ZNF385D: variants seen among roughly 807,000 people sequenced by gnomAD.
ZNF385D encodes zinc finger protein 659.
ZNF385D carries 15 observed loss-of-function variants against 35.8 expected under a neutral mutation model. The ratio of observed to expected loss-of-function variants is 0.42; its 90% confidence interval spans 0.28 to 0.64. The LOEUF (loss-of-function observed/expected upper bound fraction) is 0.64. ZNF385D is among the 30% of genes least tolerant of loss of function. The probability of loss-of-function intolerance (pLI) is 0.23; values close to 1 mark genes in which losing one functional copy is unlikely to be tolerated. For synonymous variants in ZNF385D, 212 were observed against 186.8 expected (o/e 1.13, Z -1.10); for missense variants, 474 against 494.6 (o/e 0.96, Z 0.39).
chr3:22,313,562 C>T (rs1703710480), intron 2 of ZNF385D, among the ~76,000 whole-genome samples: 2 of 151,546 alleles, frequency 1.3e-5, no homozygotes, highest in African/African-American at 2.4e-5. Context: ...AAAGATATTA[C>T]AAAACAGACA....
intron 3 of ZNF385D, among the ~76,000 whole-genome samples, chr3:21,971,534 C>T (rs746577752): frequency 3.3e-5 from 5 of 151,304 alleles, no homozygotes; most frequent in Non-Finnish European, 7.4e-5. Context: ...AAATCACCTT[C>T]ACTAAAAGGA....
intron 3 of ZNF385D, among the ~76,000 whole-genome samples, chr3:21,904,140 C>T (rs1699552317): frequency 6.6e-6 from 1 of 151,662 alleles, no homozygotes; most frequent in South Asian, 2.1e-4. Context: ...CCCATCTCTA[C>T]TAAAAACACA....
intron 2 of ZNF385D, among the ~76,000 whole-genome samples, chr3:22,310,120 T>C (rs947980186): frequency 2.6e-5 from 4 of 151,988 alleles, no homozygotes; most frequent in Admixed American, 6.6e-5. Flanking sequence ...TTTTACAATA[T>C]TGGATTGTGA....
chr3:22,318,907 A>G (rs1055660822), intron 2 of ZNF385D, among the ~76,000 whole-genome samples: 4 of 152,196 alleles, frequency 2.6e-5, no homozygotes, highest in African/African-American at 9.6e-5. Flanking sequence ...GTCATATAAG[A>G]AATATTCATA....
At chr3:22,029,133 C>T (rs909394883) in intron 3 of ZNF385D, among the ~76,000 whole-genome samples, 2 of 152,174 alleles carry the variant, frequency 1.3e-5, no homozygotes, top group African/African-American at 4.8e-5. Flanking sequence ...ACAACAATTC[C>T]ATTAAACTGG....
At chr3:21,800,279 A>C (rs2125682647) in intron 3 of ZNF385D, among the ~76,000 whole-genome samples, 1 of 152,306 alleles carries the variant, frequency 6.6e-6, no homozygotes, top group Admixed American at 6.5e-5. Context: ...TTACACAAAA[A>C]ATGTTTATTG....
At chr3:21,511,823 ATT>A (rs71976575) in intron 3 of ZNF385D, 233 of 403,750 alleles carry the variant, frequency 5.8e-4, no homozygotes, top group African/African-American at 1.5e-3. Flanking sequence ...TCCTAAGAGC[ATT>A]TTTTTTTTTT....
chr3:22,353,645 T>C (rs528710399), intron 2 of ZNF385D, among the ~76,000 whole-genome samples: 1 of 152,242 alleles, frequency 6.6e-6, no homozygotes, highest in African/African-American at 2.4e-5. Context: ...TGTCTCATGA[T>C]CACTCTTTTC....
chr3:21,511,042 T>G lies in ZNF385D; in HGVS notation c.277-19A>C, dbSNP rs540646653. 7.4e-6 allele frequency: 12 copies of G among 1,613,570 alleles called. No homozygotes were observed. In the South Asian group the frequency reaches 1.3e-4, roughly 18 times the overall value. ...CCTGGCTCTACAAAGGAGAACAAAATGAACCATGCAATCAGGCTCATTTCT... is the reference window on the plus strand; with the variant it reads ...CCTGGCTCTACAAAGGAGAACAAAAGGAACCATGCAATCAGGCTCATTTCT... On this transcript the variant is annotated intron_variant, in intron 3 of 7. Coordinates refer to ENST00000281523, the MANE Select transcript of ZNF385D (RefSeq NM_024697.3).
chr3:22,230,235 G>A (rs997442764), intron 2 of ZNF385D, among the ~76,000 whole-genome samples: 3 of 152,060 alleles, frequency 2.0e-5, no homozygotes, highest in African/African-American at 7.2e-5. Flanking sequence ...AAAACCAACA[G>A]AACTGACCTA....
At chr3:21,686,189 G>GA (rs2067098487) in intron 1 of ZNF385D, among the ~76,000 whole-genome samples, 1 of 152,058 alleles carries the variant, frequency 6.6e-6, no homozygotes, top group Non-Finnish European at 1.5e-5. Context: ...GATATTTTAG[G>GA]AAAGTGTACA....
At chr3:21,903,622 C>T (rs568024850) in intron 3 of ZNF385D, among the ~76,000 whole-genome samples, 1 of 152,272 alleles carries the variant, frequency 6.6e-6, no homozygotes, top group Admixed American at 6.5e-5. Context: ...ATTCATTGAA[C>T]TGTACATTTA....
intron 3 of ZNF385D, among the ~76,000 whole-genome samples, chr3:21,845,524 T>G (rs1695951314): frequency 6.6e-6 from 1 of 152,012 alleles, no homozygotes; most frequent in Non-Finnish European, 1.5e-5. Context: ...CTGTGTTATA[T>G]TTTAGAAAGA....
chr3:21,851,167 T>C (rs1696361388), intron 3 of ZNF385D, among the ~76,000 whole-genome samples: 1 of 151,628 alleles, frequency 6.6e-6, no homozygotes. Context: ...AAATAAAAAC[T>C]ATAGAAGTAA....
chr3:22,298,490 TA>T (rs1702725554), intron 2 of ZNF385D, among the ~76,000 whole-genome samples: 2 of 145,976 alleles, frequency 1.4e-5, no homozygotes, highest in African/African-American at 5.0e-5. Flanking sequence ...CATTTATATA[TA>T]ATATATAAAT....
intron 3 of ZNF385D, among the ~76,000 whole-genome samples, chr3:22,090,599 C>T (rs1701278595): frequency 6.6e-6 from 1 of 152,010 alleles, no homozygotes; most frequent in African/African-American, 2.4e-5. Context: ...AGTCACAGGA[C>T]CGATATTGCT....
chr3:21,720,795 G>A (rs1236760840), intron 1 of ZNF385D, among the ~76,000 whole-genome samples: 1 of 152,084 alleles, frequency 6.6e-6, no homozygotes, highest in Non-Finnish European at 1.5e-5. Context: ...GAGTCCTCTG[G>A]CATTTAATTT....
intron 1 of ZNF385D, among the ~76,000 whole-genome samples, chr3:21,718,123 C>T (rs1356991325): frequency 6.6e-6 from 1 of 152,186 alleles, no homozygotes; most frequent in Admixed American, 6.5e-5. Context: ...AAAAAGTGAA[C>T]AGGGTTGCTT....
chr3:22,090,069 A>T (rs975990644), intron 3 of ZNF385D, among the ~76,000 whole-genome samples: 1 of 152,082 alleles, frequency 6.6e-6, no homozygotes, highest in Non-Finnish European at 1.5e-5. Flanking sequence ...TGATCTCCTG[A>T]CCTTGTGATC....
Sources: allele counts gnomAD v4.1 joint callset (sites outside exome capture counted in the v4.1 genomes callset), GRCh38; gene constraint gnomAD v4.1.1; transcripts MANE v1.5; gene names NCBI Gene and HGNC (gene_info 2026-07-23, HGNC 2026-07-21).